Variants in RAI14 observed in about 807,000 individuals in gnomAD.
The protein encoded by RAI14 is retinoic acid induced 14.
In RAI14, 45 loss-of-function variants were observed where a neutral mutation model predicts 115.4. That is an observed-to-expected ratio of 0.39 (90% CI 0.31 to 0.50). The LOEUF is 0.50. Ranked by LOEUF, RAI14 falls within the 20% of genes least tolerant of loss-of-function variation. The pLI, the probability that RAI14 is intolerant of heterozygous loss-of-function variation, is 0.85. For synonymous variants in RAI14, 371 were observed against 415.4 expected (o/e 0.89, Z 1.30); for missense variants, 939 against 1,131.2 (o/e 0.83, Z 2.44).
intron 3 of RAI14, among the ~76,000 whole-genome samples, chr5:34,772,524 A>C (rs1750297726): frequency 6.6e-6 from 1 of 152,214 alleles, no homozygotes; most frequent in South Asian, 2.1e-4. Context: ...TTAAAACTTA[A>C]GATGTTCCTA....
intron 2 of RAI14, among the ~76,000 whole-genome samples, chr5:34,689,550 C>A (rs142699185): frequency 2.0e-5 from 3 of 152,032 alleles, no homozygotes; most frequent in African/African-American, 7.2e-5. Flanking sequence ...ATATTAGCCC[C>A]GTAAGACTGG....
chr5:34,788,188 G>A (rs1752543048), intron 3 of RAI14, among the ~76,000 whole-genome samples: 1 of 151,902 alleles, frequency 6.6e-6, no homozygotes, highest in Non-Finnish European at 1.5e-5. Flanking sequence ...CAAAGTGCTG[G>A]GATTGCAGGT....
intron 16 of RAI14, 79 bp downstream of exon 16, chr5:34,826,558 G>A: frequency 1.3e-6 from 2 of 1,515,370 alleles, no homozygotes; most frequent in South Asian, 1.3e-5. Flanking sequence ...GCTAGGGCAA[G>A]TGGGCGTGAA....
At chr5:34,677,472 G>A (rs1744073271) in intron 1 of RAI14, among the ~76,000 whole-genome samples, 1 of 151,522 alleles carries the variant, frequency 6.6e-6, no homozygotes, top group Non-Finnish European at 1.5e-5. Flanking sequence ...TTTAAAATGG[G>A]GTCTCACTCT....
chr5:34,745,764 A>G (rs966226642), intron 2 of RAI14, among the ~76,000 whole-genome samples: 1 of 151,644 alleles, frequency 6.6e-6, no homozygotes, highest in African/African-American at 2.4e-5. Flanking sequence ...CTGTTCAAAG[A>G]CCCTTATATT....
intron 3 of RAI14, among the ~76,000 whole-genome samples, chr5:34,788,434 T>C (rs1381162153): frequency 6.6e-6 from 1 of 152,196 alleles, no homozygotes; most frequent in African/African-American, 2.4e-5. Flanking sequence ...TTGAAACCAT[T>C]GGTTCTCTTT....
chr5:34,825,163 C>T (rs1757311901), intron 15 of RAI14, among the ~76,000 whole-genome samples: 1 of 151,574 alleles, frequency 6.6e-6, no homozygotes, highest in Non-Finnish European at 1.5e-5. Context: ...TAGTCCCAGC[C>T]ACTTGAGAGG....
intron 1 of RAI14, among the ~76,000 whole-genome samples, chr5:34,671,174 T>C (rs572829107): frequency 6.6e-6 from 1 of 152,226 alleles, no homozygotes; most frequent in East Asian, 1.9e-4. Context: ...TCAGCCCTAA[T>C]TGAGGATGGT....
chr5:34,773,388 G>C (rs1750433989), intron 3 of RAI14, among the ~76,000 whole-genome samples: 1 of 152,160 alleles, frequency 6.6e-6, no homozygotes, highest in Non-Finnish European at 1.5e-5. Context: ...AGCGTAGACA[G>C]CTATAACAAA....
At chr5:34,808,800 A>G in intron 7 of RAI14, 146 bp downstream of exon 7, 1 of 741,464 alleles carries the variant, frequency 1.3e-6, no homozygotes, top group South Asian at 1.8e-5. Flanking sequence ...TAATTTTTCC[A>G]TGGATGGGGG....
intron 3 of RAI14, among the ~76,000 whole-genome samples, chr5:34,773,240 C>T (rs571427395): frequency 6.6e-6 from 1 of 152,182 alleles, no homozygotes; most frequent in South Asian, 2.1e-4. Context: ...CTCCTCTCTC[C>T]CTATATACAA....
intron 2 of RAI14, among the ~76,000 whole-genome samples, chr5:34,708,449 G>A (rs549341378): frequency 3.3e-5 from 5 of 152,216 alleles, no homozygotes; most frequent in African/African-American, 9.6e-5. Context: ...TGATCCGCCC[G>A]CCCCAGCCTC....
At chr5:34,736,662 CA>C (rs1430485328) in intron 2 of RAI14, among the ~76,000 whole-genome samples, 3 of 152,082 alleles carry the variant, frequency 2.0e-5, no homozygotes, top group Non-Finnish European at 4.4e-5. Flanking sequence ...CTTAGCCTCC[CA>C]AAGTGCTAGG....
intron 2 of RAI14, among the ~76,000 whole-genome samples, chr5:34,736,071 G>T (rs964525256): frequency 1.4e-4 from 22 of 152,180 alleles, no homozygotes; most frequent in Admixed American, 5.2e-4. Context: ...TCAACCTTTT[G>T]GTAGGGGGCA....
chr5:34,688,740 A>G (rs908700408), intron 2 of RAI14, among the ~76,000 whole-genome samples: 3 of 152,198 alleles, frequency 2.0e-5, no homozygotes, highest in Non-Finnish European at 4.4e-5. Context: ...CAAGCACAGA[A>G]CCGTACAGCT....
Position 34,813,662 on chromosome 5 carries a change from T to G in RAI14, c.852+2T>G, listed in dbSNP as rs530189771. On this transcript the variant is annotated splice_donor_variant, in intron 11 of 17. Coordinates refer to ENST00000265109, the MANE Select transcript of RAI14 (RefSeq NM_015577.3). LOFTEE classifies it high-confidence loss of function. ...CCACCTCCTATCAGTCCTACCCAGG[T>G]AAAAACAAAAGCAAACCAACAATCA... is the stretch of plus-strand genomic sequence containing the variant. 1 of 1,599,386 alleles carries G rather than the reference T, an allele frequency of 6.3e-7. No homozygotes were observed. The highest frequency in any genetic ancestry group is 1.3e-5 in the African/African-American group (1 of 74,392).
intron 3 of RAI14, among the ~76,000 whole-genome samples, chr5:34,776,805 T>C (rs376999599): frequency 1.1e-5 from 1 of 94,224 alleles, no homozygotes; most frequent in African/African-American, 2.8e-5. Context: ...AGACCCTTTA[T>C]TAAAAAAACC....
chr5:34,676,225 G>C (rs1407429077), intron 1 of RAI14, among the ~76,000 whole-genome samples: 1 of 152,226 alleles, frequency 6.6e-6, no homozygotes, highest in Non-Finnish European at 1.5e-5. Context: ...TTTGGAGGAA[G>C]ATGTGAAGGG....
intron 1 of RAI14, among the ~76,000 whole-genome samples, chr5:34,681,724 C>CT (rs1744394252): frequency 6.6e-6 from 1 of 151,744 alleles, no homozygotes; most frequent in East Asian, 1.9e-4. Context: ...GTCTTGAATG[C>CT]TTGGTCTCAA....
Sources: gnomAD v4.1 joint callset for allele counts (sites outside exome capture counted in the v4.1 genomes callset) on GRCh38, gnomAD v4.1.1 for gene constraint, MANE v1.5 for transcripts, NCBI Gene and HGNC (gene_info 2026-07-23, HGNC 2026-07-21) for gene names.